TMCO1: variants seen among roughly 807,000 people sequenced by gnomAD.
The protein encoded by TMCO1 is transmembrane and coiled-coil domains 1, also known as calcium load-activated calcium channel.
In TMCO1, 29 loss-of-function variants were observed where a neutral mutation model predicts 29.3. The observed-to-expected ratio is 0.99, with a 90% CI of 0.74 to 1.35. The LOEUF is 1.35. Ranked by LOEUF, TMCO1 falls within the 40% of genes most tolerant of loss-of-function variation. The pLI is 0.00. For synonymous variants in TMCO1, 80 were observed against 77.1 expected, an observed-to-expected ratio of 1.04 and a Z score of -0.20; for missense variants, 173 against 225.5, an observed-to-expected ratio of 0.77 and a Z score of 1.49.
chr1:165,736,799 A>G (rs1651408684), intron 6 of TMCO1, among the ~76,000 whole-genome samples: 1 of 152,122 alleles, frequency 6.6e-6, no homozygotes, highest in Admixed American at 6.6e-5. Context: ...TTAGCACACA[A>G]GGTTTTTTTG....
intron 2 of TMCO1, among the ~76,000 whole-genome samples, chr1:165,764,252 G>C (rs1652495499): frequency 6.6e-6 from 1 of 152,198 alleles, no homozygotes. Flanking sequence ...ATGCTACACA[G>C]ATAATTTATT....
chr1:165,763,761 G>C (rs976489695), intron 2 of TMCO1, among the ~76,000 whole-genome samples: 6 of 152,126 alleles, frequency 3.9e-5, no homozygotes, highest in South Asian at 4.1e-4. Flanking sequence ...AAGTAGTTGG[G>C]ACCACACACA....
In TMCO1 at chr1:165,727,714, G is replaced by T; in HGVS notation, c.*309C>A. The T allele has an allele frequency of 2.2e-6, 1 of 455,490 alleles. No homozygotes were observed. The highest frequency in any genetic ancestry group is 1.6e-5 in the South Asian group (1 of 64,476). The allele number at this position is 455,490 out of a possible 1,614,324, so 28.2% of individuals were successfully genotyped here. On this transcript the variant is annotated 3_prime_UTR_variant, in exon 7 of 7. Coordinates refer to ENST00000367881, the MANE Select transcript of TMCO1 (RefSeq NM_019026.6). ...TTGCAGGGCATACACAGTGCCTTGA[G>T]AGTCGGTCCCACAGAAAATACTTAT...
chr1:165,724,677 T>A, downstream of TMCO1: 1 of 454,100 alleles, frequency 2.2e-6, no homozygotes, highest in Non-Finnish European at 4.4e-6. Flanking sequence ...AAATTTAGGA[T>A]GTGTATCAGC....
At chr1:165,742,094 G>A (rs1015167626) in intron 6 of TMCO1, among the ~76,000 whole-genome samples, 2 of 152,202 alleles carry the variant, frequency 1.3e-5, no homozygotes, top group Non-Finnish European at 2.9e-5. Context: ...TTCAGAAGGA[G>A]GGGAGAAAAA....
intron 6 of TMCO1, among the ~76,000 whole-genome samples, chr1:165,735,881 C>A (rs1374578552): frequency 6.6e-6 from 1 of 152,148 alleles, no homozygotes; most frequent in East Asian, 1.9e-4. Context: ...AAATAACTGA[C>A]CTGAGACTTC....
rs746437636 is a variant in TMCO1 at position 165,727,842 on chromosome 1, A to C, written c.*181T>G. On this transcript the variant is annotated 3_prime_UTR_variant, in exon 7 of 7. Transcript: ENST00000367881. Reference sequence around the variant, plus strand: ...TTGATAAAAATCATCTAGGACCAAAAGCACTATCAAGTTTGCTGGCTGCCA... The same window carrying C: ...TTGATAAAAATCATCTAGGACCAAACGCACTATCAAGTTTGCTGGCTGCCA... The C allele has an allele frequency of 3.7e-6, 2 of 540,888 alleles. No homozygotes were observed. Among genetic ancestry groups the C allele is most frequent in the South Asian group, 3.1e-5 (2 of 65,306 alleles). 33.5% of individuals were successfully genotyped at this position (540,888 alleles called of 1,614,324 possible).
intron 6 of TMCO1, among the ~76,000 whole-genome samples, chr1:165,728,993 C>T (rs568875986): frequency 2.8e-4 from 42 of 150,950 alleles, no homozygotes; most frequent in Middle Eastern, 3.4e-3. Context: ...GTAGTCCTAG[C>T]TACTCGGGAG....
chr1:165,768,366 C>G (rs1485575134), intron 1 of TMCO1, 97 bp from the exon 2 acceptor site: 1 of 1,503,062 alleles, frequency 6.7e-7, no homozygotes, highest in Non-Finnish European at 9.1e-7. Context: ...TCCAACTTTT[C>G]GCTTTGTATT....
In TMCO1 at chr1:165,768,343, G is replaced by A. The variant is rs901021528; in HGVS notation, c.71-74C>T. 23 of 1,539,388 alleles carry A rather than the reference G, an allele frequency of 1.5e-5. No individual in the cohort carries two copies. The African/African-American group carries it at 2.2e-4, about 15-fold the overall frequency. On this transcript the variant is annotated intron_variant, in intron 1 of 6. Coordinates refer to ENST00000367881, the MANE Select transcript of TMCO1 (RefSeq NM_019026.6). ...ACAACAAACAAAGTGGTTACTGTTG[G>A]AGAAGGAGGAATTCCAACTTTTCGC...
Position 165,764,967 on chromosome 1 carries a change from A to G in TMCO1, c.148+3225T>C, listed in dbSNP as rs187807286. Among the ~76,000 whole-genome samples the G allele has an allele frequency of 5.3e-3, 808 of 152,318 alleles. 6 individuals carry two copies. Among genetic ancestry groups the G allele is most frequent in the Admixed American group, 7.0e-3 (107 of 15,298 alleles). On this transcript the variant is annotated intron_variant, in intron 2 of 6. Coordinates refer to ENST00000367881, the MANE Select transcript of TMCO1 (RefSeq NM_019026.6). ...ATGTGAAATGATCTGAAAACTATTC[A>G]GGAAAACAACAATAGGGCTTGGTAA...
chr1:165,724,292 T>C (rs1220984699), downstream of TMCO1: 10 of 437,516 alleles, frequency 2.3e-5, no homozygotes, highest in Non-Finnish European at 4.1e-5. Context: ...ATACTACAAT[T>C]AGAATACCAT....
At chr1:165,725,262 A>G, downstream of TMCO1, 1 of 453,970 alleles carries the variant, frequency 2.2e-6, no homozygotes, top group South Asian at 1.6e-5. Context: ...GTTTGTGGCA[A>G]AATGCTTTTG....
chr1:165,734,809 TTTTTG>T (rs532360985), intron 6 of TMCO1, among the ~76,000 whole-genome samples: 65 of 152,256 alleles, frequency 4.3e-4, no homozygotes, highest in Middle Eastern at 3.4e-3. Context: ...GGCCCATCGT[TTTTTG>T]TTTTGTTTTG....
At chr1:165,765,554 T>C (rs1652538936) in intron 2 of TMCO1, among the ~76,000 whole-genome samples, 1 of 152,224 alleles carries the variant, frequency 6.6e-6, no homozygotes. Context: ...AGTGCTGGGA[T>C]TACAGGCCTG....
chr1:165,754,407 G>T, intron 3 of TMCO1, 133 bp from the exon 4 acceptor site: 1 of 703,474 alleles, frequency 1.4e-6, no homozygotes, highest in Non-Finnish European at 2.5e-6. Context: ...GAAAACACCT[G>T]GGATAGTATA....
At chr1:165,760,883 A>C (rs567447456) in intron 2 of TMCO1, among the ~76,000 whole-genome samples, 2 of 152,332 alleles carry the variant, frequency 1.3e-5, no homozygotes, top group South Asian at 4.1e-4. Flanking sequence ...TAAATGGACT[A>C]GGGATATGTC....
intron 6 of TMCO1, 147 bp from the exon 7 acceptor site, chr1:165,728,268 T>G: frequency 1.7e-6 from 1 of 575,070 alleles, no homozygotes; most frequent in Non-Finnish European, 3.1e-6. Context: ...CACTTTTTTT[T>G]TTTTTTGAGA....
intron 3 of TMCO1, among the ~76,000 whole-genome samples, chr1:165,758,326 G>A (rs1047660017): frequency 6.6e-6 from 1 of 152,072 alleles, no homozygotes; most frequent in Non-Finnish European, 1.5e-5. Flanking sequence ...AGAGGTTGAG[G>A]CGGCGGATCA....
Sources: allele counts gnomAD v4.1 joint callset (sites outside exome capture counted in the v4.1 genomes callset), GRCh38; gene constraint gnomAD v4.1.1; transcripts MANE v1.5; gene names NCBI Gene and HGNC (gene_info 2026-07-23, HGNC 2026-07-21).